ANTXR1: variants seen among roughly 807,000 people sequenced by gnomAD.
ANTXR1 encodes the protein ANTXR cell adhesion molecule 1, also known as anthrax toxin receptor 1.
In ANTXR1, 19 loss-of-function variants were observed where a neutral mutation model predicts 78.1. The observed-to-expected ratio is 0.24, with a 90% confidence interval of 0.17 to 0.36. ANTXR1 has a LOEUF of 0.36. Ranked by LOEUF, ANTXR1 falls within the 10% of genes least tolerant of loss-of-function variation. The probability of loss-of-function intolerance (pLI) is 1.00; values close to 1 mark genes in which losing one functional copy is unlikely to be tolerated. For synonymous variants in ANTXR1, 273 were observed against 260.5 expected (o/e 1.05, Z -0.46); for missense variants, 518 against 718.6 (o/e 0.72, Z 3.19).
At chr2:69,082,487 C>G (rs1573854471) in intron 8 of ANTXR1, among the ~76,000 whole-genome samples, 2 of 152,130 alleles carry the variant, frequency 1.3e-5, no homozygotes, top group South Asian at 4.1e-4. Flanking sequence ...CAGGGAATTT[C>G]CACCGACCAC....
intron 14 of ANTXR1, among the ~76,000 whole-genome samples, chr2:69,172,031 T>C (rs1674001210): frequency 6.6e-6 from 1 of 152,200 alleles, no homozygotes; most frequent in Non-Finnish European, 1.5e-5. Flanking sequence ...ATCAAAGGGA[T>C]AACTCACGTG....
chr2:69,172,617 C>T, intron 14 of ANTXR1: 1 of 1,033,586 alleles, frequency 9.7e-7, no homozygotes, highest in Non-Finnish European at 1.2e-6. Context: ...TTCATCAGCT[C>T]TATCAACATC....
chr2:69,105,865 G>A (rs999633535), intron 10 of ANTXR1, among the ~76,000 whole-genome samples: 2 of 152,174 alleles, frequency 1.3e-5, no homozygotes, highest in African/African-American at 4.8e-5. Context: ...AGGCTGTGTG[G>A]CTCTAGCCAC....
At position 69,193,469 on chromosome 2, in the gene ANTXR1, A is replaced by T. The variant is rs911980419; in HGVS notation, c.1434+54A>T. ...CTCTCTCTCTCTCTCTCACATACACACACACACACACACACACACACATAT... is the reference window on the plus strand; with the variant it reads ...CTCTCTCTCTCTCTCTCACATACACTCACACACACACACACACACACATAT... On this transcript the variant is annotated intron_variant, in intron 17 of 17. Coordinates refer to ENST00000303714, the MANE Select transcript of ANTXR1 (RefSeq NM_032208.3). 5.0e-6 allele frequency: 6 copies of T among 1,207,190 alleles called. No individual in the cohort carries two copies. The African/African-American group carries it at 9.4e-5, about 19-fold the overall frequency. 74.8% of individuals were successfully genotyped at this position (1,207,190 alleles called of 1,614,324 possible).
chr2:69,155,356 G>A (rs1241555549), intron 13 of ANTXR1, among the ~76,000 whole-genome samples: 1 of 152,108 alleles, frequency 6.6e-6, no homozygotes, highest in Non-Finnish European at 1.5e-5. Flanking sequence ...AGGGGAGAGA[G>A]GTATTGGACT....
At chr2:69,095,453 G>C (rs1274575931) in intron 9 of ANTXR1, among the ~76,000 whole-genome samples, 2 of 152,232 alleles carry the variant, frequency 1.3e-5, no homozygotes, top group African/African-American at 4.8e-5. Context: ...AGAGTAGTGA[G>C]AGCACTACTG....
intron 9 of ANTXR1, among the ~76,000 whole-genome samples, chr2:69,098,208 T>G (rs1266326735): frequency 6.6e-6 from 1 of 152,180 alleles, no homozygotes; most frequent in African/African-American, 2.4e-5. Context: ...ATTTATCAAA[T>G]CATACACTTT....
chr2:69,188,209 G>T (rs1674469081), intron 16 of ANTXR1, among the ~76,000 whole-genome samples: 2 of 151,616 alleles, frequency 1.3e-5, no homozygotes, highest in African/African-American at 4.8e-5. Context: ...TAGGTTCAAG[G>T]GATTCTCCTA....
intron 17 of ANTXR1, among the ~76,000 whole-genome samples, chr2:69,236,359 T>G (rs900907745): frequency 2.0e-5 from 3 of 152,170 alleles, no homozygotes; most frequent in Non-Finnish European, 4.4e-5. Flanking sequence ...TATACACACA[T>G]ATATCTTTAC....
intron 14 of ANTXR1, among the ~76,000 whole-genome samples, chr2:69,170,490 C>G (rs1673952881): frequency 6.6e-6 from 1 of 152,224 alleles, no homozygotes; most frequent in Non-Finnish European, 1.5e-5. Flanking sequence ...CTGAACTAAA[C>G]TGCCAGAAAA....
chr2:69,088,538 A>T (rs908314358), intron 8 of ANTXR1, among the ~76,000 whole-genome samples: 5 of 152,036 alleles, frequency 3.3e-5, no homozygotes, highest in Admixed American at 6.5e-5. Context: ...GTGCCTGAGG[A>T]CAAGTCAAAG....
chr2:69,031,837 A>G (rs1251936103), intron 1 of ANTXR1, among the ~76,000 whole-genome samples: 2 of 152,204 alleles, frequency 1.3e-5, no homozygotes, highest in South Asian at 2.1e-4. Context: ...TTGAATTTCA[A>G]ATGTTAACTT....
chr2:69,120,850 A>C (rs1159974707), intron 10 of ANTXR1, among the ~76,000 whole-genome samples: 3 of 152,134 alleles, frequency 2.0e-5, no homozygotes, highest in Non-Finnish European at 4.4e-5. Flanking sequence ...CGCTTAGAAA[A>C]AATTTCAAAA....
intron 13 of ANTXR1, among the ~76,000 whole-genome samples, chr2:69,165,313 T>G (rs1177636326): frequency 6.6e-6 from 1 of 152,256 alleles, no homozygotes; most frequent in African/African-American, 2.4e-5. Context: ...AGACCAGCCC[T>G]TCGGCAGAGA....
At position 69,249,046 on chromosome 2, in the gene ANTXR1, C is replaced by T. The variant is rs1416241839; in HGVS notation, c.*3561C>T. ...GAAGATAGTTATGGATCTTCAATGC[C>T]TCTGAGTCATTGTTATAAAAAATCA... is the stretch of plus-strand genomic sequence containing the variant. On this transcript the variant is annotated 3_prime_UTR_variant, in exon 18 of 18. Transcript: ENST00000303714. The T allele has an allele frequency of 6.6e-6, 1 of 152,200 alleles. No homozygotes were observed. Among genetic ancestry groups the T allele is most frequent in the East Asian group, 1.9e-4 (1 of 5,196 alleles). The allele number at this position is 152,200 out of a possible 1,614,324, so 9.4% of individuals were successfully genotyped here. A position where few individuals can be genotyped will look rare whatever the true frequency, so the allele number is the denominator to read the frequency against.
rs560277513 is a variant in ANTXR1 at position 69,176,739 on chromosome 2, T to C, written c.1090-5047T>C. Among the ~76,000 whole-genome samples, 7 of 152,336 alleles carry C rather than the reference T, an allele frequency of 4.6e-5. No individual in the cohort carries two copies. The East Asian group carries it at 1.3e-3, about 29-fold the overall frequency. ...TTGAGCTTATGCATTTAAGATGTGC[T>C]CCAGTTCAATGACATTTAAAATTAA... On this transcript the variant is annotated intron_variant, in intron 14 of 17. Transcript: ENST00000303714.
At chr2:69,032,296 G>A (rs1671551607) in intron 1 of ANTXR1, among the ~76,000 whole-genome samples, 2 of 152,160 alleles carry the variant, frequency 1.3e-5, no homozygotes, top group African/African-American at 2.4e-5. Context: ...TCATTGCAGT[G>A]AAGGCAATGG....
intron 10 of ANTXR1, among the ~76,000 whole-genome samples, chr2:69,105,206 CCT>C (rs888516495): frequency 2.6e-5 from 4 of 152,178 alleles, no homozygotes; most frequent in African/African-American, 4.8e-5. Context: ...CCAGTCCATC[CCT>C]CTCTCTCCTT....
At chr2:69,152,935 T>C (rs1397949700) in intron 13 of ANTXR1, among the ~76,000 whole-genome samples, 1 of 152,162 alleles carries the variant, frequency 6.6e-6, no homozygotes, top group Non-Finnish European at 1.5e-5. Flanking sequence ...ACCCTGACGA[T>C]AATCCCAAAT....
Sources: gnomAD v4.1 joint callset for allele counts (sites outside exome capture counted in the v4.1 genomes callset) on GRCh38, gnomAD v4.1.1 for gene constraint, MANE v1.5 for transcripts, NCBI Gene and HGNC (gene_info 2026-07-23, HGNC 2026-07-21) for gene names.